Variants in GPBP1L1 observed in about 807,000 individuals in gnomAD.
GPBP1L1 encodes vasculin-like protein 1.
Under a neutral mutation model 52.5 loss-of-function variants are expected in GPBP1L1, and 23 were observed. The ratio of observed to expected loss-of-function variants is 0.44; its 90% CI spans 0.32 to 0.62. The LOEUF is 0.62. GPBP1L1 is among the 20% of genes least tolerant of loss of function. The pLI is 0.06. For missense variants in GPBP1L1, 596 were observed against 579.3 expected (o/e 1.03, Z -0.30); for synonymous variants, 243 against 203.1 (o/e 1.20, Z -1.67).
intron 2 of GPBP1L1, among the ~76,000 whole-genome samples, chr1:45,663,066 C>CAAAAAAAAAAAAAAAAAAAAAAA (rs1644966043): frequency 1.0e-5 from 1 of 100,448 alleles, no homozygotes; most frequent in Admixed American, 9.9e-5. Context: ...AAAAAAAAAG[C>CAAAAAAAAAAAAAAAAAAAAAAA]AAAAAACCCC....
upstream of GPBP1L1, chr1:45,687,069 T>C (rs547228501): frequency 6.6e-6 from 1 of 152,356 alleles, no homozygotes; most frequent in African/African-American, 2.4e-5. Flanking sequence ...TCCTTACTTC[T>C]CGTGTGCGCG....
chr1:45,650,064 A>C (rs781755179), intron 6 of GPBP1L1, among the ~76,000 whole-genome samples: 1 of 152,206 alleles, frequency 6.6e-6, no homozygotes, highest in Non-Finnish European at 1.5e-5. Context: ...AAGAGTAAAC[A>C]TATTAATATT....
intron 2 of GPBP1L1, among the ~76,000 whole-genome samples, chr1:45,661,862 A>G (rs1644951282): frequency 6.6e-6 from 1 of 152,158 alleles, no homozygotes; most frequent in Non-Finnish European, 1.5e-5. Context: ...TAGGTCTTTC[A>G]GATATAGATT....
chr1:45,651,101 C>A (rs1205746936), intron 6 of GPBP1L1: 2 of 503,820 alleles, frequency 4.0e-6, no homozygotes, highest in Admixed American at 2.0e-5. Flanking sequence ...GACTTGGGAC[C>A]CAGGACATTG....
Position 45,657,069 on chromosome 1 carries a change from G to C in GPBP1L1, c.61-1750C>G, listed in dbSNP as rs553907492. 2.6e-5 allele frequency among the ~76,000 whole-genome samples: 4 copies of C among 152,208 alleles called. No individual in the cohort carries two copies. In the South Asian group the frequency reaches 8.3e-4, roughly 32 times the overall value. ...AAACCACAGGGCTTTGCTTATTATA[G>C]TTTCGAAAATGAAAGAATGTCTTCT... On this transcript the variant is annotated intron_variant, in intron 4 of 12. Transcript: ENST00000355105.
At chr1:45,638,162 A>AT (rs1644620229) in intron 8 of GPBP1L1, among the ~76,000 whole-genome samples, 1 of 152,172 alleles carries the variant, frequency 6.6e-6, no homozygotes, top group Non-Finnish European at 1.5e-5. Context: ...TTATTCCCAC[A>AT]TATTTCTTCT....
At chr1:45,684,032 C>A (rs995682109) in intron 2 of GPBP1L1, among the ~76,000 whole-genome samples, 1 of 151,792 alleles carries the variant, frequency 6.6e-6, no homozygotes, top group East Asian at 1.9e-4. Flanking sequence ...CCAAGGCAGG[C>A]GGATCACCTG....
At chr1:45,639,574 T>TA (rs60435928) in intron 8 of GPBP1L1, among the ~76,000 whole-genome samples, 4,863 of 130,094 alleles carry the variant, frequency 0.037, 202 homozygotes, top group African/African-American at 0.1. Flanking sequence ...AAAAAATAAT[T>TA]AAAAAAAAAA....
chr1:45,670,690 C>T (rs1454538734), intron 2 of GPBP1L1, among the ~76,000 whole-genome samples: 1 of 152,050 alleles, frequency 6.6e-6, no homozygotes, highest in Non-Finnish European at 1.5e-5. Flanking sequence ...TTTATACAGC[C>T]AGCTCTATCA....
intron 2 of GPBP1L1, among the ~76,000 whole-genome samples, chr1:45,667,984 T>C (rs1326074370): frequency 3.3e-5 from 5 of 152,136 alleles, no homozygotes; most frequent in African/African-American, 1.2e-4. Context: ...AGTGATCCAC[T>C]TGCCTTGGCC....
intron 2 of GPBP1L1, among the ~76,000 whole-genome samples, chr1:45,673,476 T>G (rs1023300271): frequency 6.6e-6 from 1 of 152,220 alleles, no homozygotes; most frequent in Non-Finnish European, 1.5e-5. Flanking sequence ...ATTCCCCAAA[T>G]GCCAATCTAA....
intron 2 of GPBP1L1, among the ~76,000 whole-genome samples, chr1:45,669,071 C>G (rs1645043769): frequency 1.3e-5 from 2 of 152,226 alleles, no homozygotes; most frequent in Non-Finnish European, 2.9e-5. Flanking sequence ...CATCTTCAAC[C>G]ATGAAATAGT....
In GPBP1L1 at chr1:45,628,038, T is replaced by A. The variant is rs1024934672; in HGVS notation, c.*218A>T. The A allele has an allele frequency of 1.3e-4, 64 of 511,578 alleles. No individual in the cohort carries two copies. In the South Asian group the frequency reaches 1.4e-3, roughly 11 times the overall value. 31.7% of individuals were successfully genotyped at this position (511,578 alleles called of 1,614,324 possible). A position where few individuals can be genotyped will look rare whatever the true frequency, so the allele number is the denominator to read the frequency against. ...TGTGTGTGTGAGTGTGTTTAAAAAA[T>A]CTGTCCCACCACACAAACTTCTCTC... is the stretch of plus-strand genomic sequence containing the variant. On this transcript the variant is annotated 3_prime_UTR_variant, in exon 13 of 13. Transcript: ENST00000355105.
intron 4 of GPBP1L1, chr1:45,656,012 T>G (rs1644880753): frequency 6.6e-6 from 1 of 152,258 alleles, no homozygotes; most frequent in African/African-American, 2.4e-5. Flanking sequence ...CCTCAAGCAA[T>G]CCTCCTGCCT....
chr1:45,637,458 CCTCTGCCAACTGTTACCATCTCTGCCATT>C (rs1366352607), intron 8 of GPBP1L1, among the ~76,000 whole-genome samples: 4 of 149,412 alleles, frequency 2.7e-5, no homozygotes, highest in African/African-American at 4.9e-5. Flanking sequence ...GCCATTACCA[CCTCTGCCAACTGTTACCATCTCTGCCATT>C]CTCTGCCAAC....
upstream of GPBP1L1, chr1:45,687,225 G>A (rs1216798552): frequency 6.6e-6 from 1 of 152,292 alleles, no homozygotes; most frequent in Admixed American, 6.5e-5. Context: ...GGATTCCGGC[G>A]AGAGCCTGCG....
At chr1:45,645,923 A>G (rs1644739327) in intron 6 of GPBP1L1, 2 of 497,720 alleles carry the variant, frequency 4.0e-6, no homozygotes, top group Non-Finnish European at 7.8e-6. Flanking sequence ...AATGGTTGGG[A>G]TAGAAGCAGA....
chr1:45,643,657 G>GTTTTTTT (rs1644702864), intron 6 of GPBP1L1, among the ~76,000 whole-genome samples: 1 of 123,546 alleles, frequency 8.1e-6, no homozygotes, highest in African/African-American at 3.2e-5. Flanking sequence ...TAGGAGAATG[G>GTTTTTTT]CTTTTTTTTT....
At chr1:45,655,426 A>G in intron 4 of GPBP1L1, 107 bp from the exon 5 acceptor site, 1 of 1,231,642 alleles carries the variant, frequency 8.1e-7, no homozygotes, top group Non-Finnish European at 1.2e-6. Context: ...AATAATGGTG[A>G]TAGAAACTCA....
Sources: gnomAD v4.1 joint callset for allele counts (sites outside exome capture counted in the v4.1 genomes callset) on GRCh38, gnomAD v4.1.1 for gene constraint, MANE v1.5 for transcripts, NCBI Gene and HGNC (gene_info 2026-07-23, HGNC 2026-07-21) for gene names.